VAV3: variants seen among roughly 807,000 people sequenced by gnomAD.
VAV3 encodes vav guanine nucleotide exchange factor 3, also known as guanine nucleotide exchange factor VAV3.
VAV3 carries 94 observed loss-of-function variants against 131.2 expected under a neutral mutation model. The ratio of observed to expected loss-of-function variants is 0.72; its 90% CI spans 0.61 to 0.85. The LOEUF is 0.85. Ranked by LOEUF, VAV3 falls within the 40% of genes least tolerant of loss-of-function variation. The pLI, the probability that VAV3 is intolerant of heterozygous loss-of-function variation, is 0.00. For synonymous variants in VAV3, 349 were observed against 342.0 expected (o/e 1.02, Z -0.22); for missense variants, 939 against 1,002.7 (o/e 0.94, Z 0.86).
rs554844854 is a variant in VAV3, at chr1:107,611,309, A to G, written c.1981-1344T>C. On this transcript the variant is annotated intron_variant, in intron 21 of 26. Coordinates refer to ENST00000370056, the MANE Select transcript of VAV3 (RefSeq NM_006113.5). ...ACATTTCTTTGATTATTAATATTCA[A>G]ATATTTTTATCCTATGGATTACATT... Among the ~76,000 whole-genome samples, 6 of 152,276 alleles carry G rather than the reference A, an allele frequency of 3.9e-5. No homozygotes were observed. In the East Asian group the frequency reaches 1.2e-3, roughly 29 times the overall value.
chr1:107,676,755 T>C (rs991714746), intron 19 of VAV3, among the ~76,000 whole-genome samples: 4 of 152,218 alleles, frequency 2.6e-5, no homozygotes, highest in Non-Finnish European at 5.9e-5. Context: ...CCTTTACTGA[T>C]GTCTGTTTTA....
At chr1:107,664,095 A>C (rs372561088) in intron 19 of VAV3, among the ~76,000 whole-genome samples, 5 of 152,116 alleles carry the variant, frequency 3.3e-5, no homozygotes, top group Admixed American at 6.5e-5. Flanking sequence ...CTCTTTCTTA[A>C]TGGTTTAATA....
At chr1:107,576,388 G>A (rs1303020974) in intron 25 of VAV3, 1 of 1,510,558 alleles carries the variant, frequency 6.6e-7, no homozygotes, top group Non-Finnish European at 8.8e-7. Context: ...TAGTAAAGCA[G>A]TACCTGACCA....
rs549706341 is a variant in VAV3, at chr1:107,934,263, T to G, written c.204+30403A>C. ...TTGCAAAACCCAAGACTTTCCTGGA[T>G]GTCATCTATTAATATTACAACAAGA... On this transcript the variant is annotated intron_variant, in intron 1 of 26. Coordinates refer to ENST00000370056, the MANE Select transcript of VAV3 (RefSeq NM_006113.5). 4.1e-4 allele frequency among the ~76,000 whole-genome samples: 62 copies of G among 152,342 alleles called. 1 individual carries two copies. Among genetic ancestry groups the G allele is most frequent in the African/African-American group, 1.5e-3 (62 of 41,586 alleles).
chr1:107,856,700 T>G (rs917031779), intron 2 of VAV3, among the ~76,000 whole-genome samples: 3 of 152,166 alleles, frequency 2.0e-5, no homozygotes, highest in Non-Finnish European at 4.4e-5. Flanking sequence ...ATATGAGATT[T>G]TTGTTTTTTA....
intron 15 of VAV3, among the ~76,000 whole-genome samples, chr1:107,712,976 TA>T (rs1165812126): frequency 6.6e-5 from 10 of 152,204 alleles, no homozygotes; most frequent in African/African-American, 2.4e-4. Flanking sequence ...ACAGCAGGCT[TA>T]AATATGACTT....
At chr1:107,772,305 C>T (rs557308131) in intron 5 of VAV3, among the ~76,000 whole-genome samples, 15 of 151,942 alleles carry the variant, frequency 9.9e-5, no homozygotes, top group Non-Finnish European at 1.9e-4. Context: ...AAAATGGTAC[C>T]TCATATTAAC....
intron 19 of VAV3, chr1:107,669,011 T>C (rs1397120083): frequency 2.9e-6 from 3 of 1,044,226 alleles, no homozygotes; most frequent in East Asian, 9.7e-5. Flanking sequence ...CAGCGCTGAC[T>C]ATACAGAGAA....
chr1:107,615,430 T>C (rs1484551253), intron 21 of VAV3, among the ~76,000 whole-genome samples: 1 of 152,150 alleles, frequency 6.6e-6, no homozygotes, highest in African/African-American at 2.4e-5. Context: ...CCCTTCCTTA[T>C]ATGATATACA....
chr1:107,584,979 T>C (rs1650368571), intron 25 of VAV3, among the ~76,000 whole-genome samples: 1 of 152,162 alleles, frequency 6.6e-6, no homozygotes, highest in South Asian at 2.1e-4. Flanking sequence ...AATGAATAGG[T>C]ACAGCCTCTG....
intron 3 of VAV3, 68 bp from the exon 4 acceptor site, chr1:107,777,364 C>T (rs757604212): frequency 9.4e-6 from 13 of 1,385,814 alleles, no homozygotes; most frequent in African/African-American, 4.3e-5. Context: ...AATCAGGCTG[C>T]GCACTTAACC....
chr1:107,631,221 G>A (rs1164189762), intron 20 of VAV3, among the ~76,000 whole-genome samples: 3 of 151,570 alleles, frequency 2.0e-5, no homozygotes, highest in Non-Finnish European at 4.4e-5. Flanking sequence ...TATACTAAAT[G>A]CATTGTTATC....
intron 4 of VAV3, among the ~76,000 whole-genome samples, chr1:107,774,176 T>C (rs569780465): frequency 1.3e-5 from 2 of 152,178 alleles, no homozygotes; most frequent in African/African-American, 4.8e-5. Flanking sequence ...CAGCGATTCT[T>C]CTGCCTCAGC....
rs150918236 is a variant in VAV3 at position 107,800,241 on chromosome 1, T to C, written c.322-20749A>G. On this transcript the variant is annotated intron_variant, in intron 2 of 26. Transcript: ENST00000370056. ...TATAAGTGCTAGGTTATATAATAAT[T>C]CAATATTTAATTTTTTGAGGAATCT... Among the ~76,000 whole-genome samples, 64 of 152,200 alleles carry C rather than the reference T, an allele frequency of 4.2e-4. 1 individual carries two copies. The East Asian group carries it at 0.012, about 28-fold the overall frequency.
At chr1:107,851,396 GAAA>G (rs74262709) in intron 2 of VAV3, among the ~76,000 whole-genome samples, 2 of 74,976 alleles carry the variant, frequency 2.7e-5, no homozygotes, top group Non-Finnish European at 5.6e-5. Flanking sequence ...AAAACACTCA[GAAA>G]AAAAAAAAAA....
chr1:107,781,753 A>T (rs1326861663), intron 2 of VAV3, among the ~76,000 whole-genome samples: 10 of 152,196 alleles, frequency 6.6e-5, no homozygotes, highest in Admixed American at 5.9e-4. Context: ...TTCCTGGTCA[A>T]CTATGTCGAA....
intron 19 of VAV3, chr1:107,669,529 A>T (rs1355292049): frequency 2.4e-6 from 3 of 1,268,616 alleles, no homozygotes. Flanking sequence ...AAATTTCACC[A>T]TGGATCCATT....
intron 15 of VAV3, among the ~76,000 whole-genome samples, chr1:107,739,164 CAAG>C (rs933179255): frequency 2.0e-5 from 3 of 152,084 alleles, no homozygotes; most frequent in African/African-American, 7.2e-5. Flanking sequence ...TCAAGAATGC[CAAG>C]AAGTATCAAA....
chr1:107,701,228 C>T (rs1660111339), intron 17 of VAV3, among the ~76,000 whole-genome samples: 1 of 152,088 alleles, frequency 6.6e-6, no homozygotes, highest in African/African-American at 2.4e-5. Flanking sequence ...GATACCTAAA[C>T]TTCAACTCTT....
Sources: gnomAD v4.1 joint callset for allele counts (sites outside exome capture counted in the v4.1 genomes callset) on GRCh38, gnomAD v4.1.1 for gene constraint, MANE v1.5 for transcripts, NCBI Gene and HGNC (gene_info 2026-07-23, HGNC 2026-07-21) for gene names.